Variants in DOCK2 observed in about 807,000 individuals in gnomAD.
DOCK2 encodes dedicator of cytokinesis 2, also known as dedicator of cytokinesis protein 2.
DOCK2 carries 87 observed loss-of-function variants against 248.9 expected under a neutral mutation model. The observed-to-expected ratio is 0.35, with a 90% CI of 0.29 to 0.42. The LOEUF (loss-of-function observed/expected upper bound fraction) is 0.42. Ranked by LOEUF, DOCK2 falls within the 10% of genes least tolerant of loss-of-function variation. The probability of loss-of-function intolerance (pLI) is 1.00; values close to 1 mark genes in which losing one functional copy is unlikely to be tolerated. For missense variants in DOCK2, 1,747 were observed against 2,300.2 expected, an observed-to-expected ratio of 0.76 and a Z score of 4.92; for synonymous variants, 805 against 821.6, an observed-to-expected ratio of 0.98 and a Z score of 0.35.
intron 25 of DOCK2, among the ~76,000 whole-genome samples, chr5:169,801,995 C>G (rs1767023605): frequency 6.6e-6 from 1 of 151,812 alleles, no homozygotes; most frequent in East Asian, 1.9e-4. Flanking sequence ...CAAGCAGCAT[C>G]TGAGTCGGGG....
chr5:170,047,697 G>T (rs1391755337), intron 40 of DOCK2, 83 bp downstream of exon 40: 2 of 1,328,348 alleles, frequency 1.5e-6, no homozygotes, highest in African/African-American at 1.5e-5. Flanking sequence ...TTGAGGATTT[G>T]CTTGTGCTCA....
intron 27 of DOCK2, among the ~76,000 whole-genome samples, chr5:169,869,212 C>G (rs1338035897): frequency 6.6e-6 from 1 of 152,190 alleles, no homozygotes; most frequent in Non-Finnish European, 1.5e-5. Context: ...CACCCCTCCC[C>G]ACCATCTACA....
At chr5:169,706,766 C>T (rs1040313969) in intron 14 of DOCK2, among the ~76,000 whole-genome samples, 1 of 152,174 alleles carries the variant, frequency 6.6e-6, no homozygotes, top group African/African-American at 2.4e-5. Flanking sequence ...TCAAATGGAT[C>T]GATTTGGCTG....
intron 33 of DOCK2, among the ~76,000 whole-genome samples, chr5:170,023,185 G>A (rs768373929): frequency 1.3e-5 from 2 of 152,116 alleles, no homozygotes; most frequent in African/African-American, 4.8e-5. Context: ...CCCTCAGCAG[G>A]CAGGAGATCC....
At chr5:169,881,559 G>T in intron 27 of DOCK2, 1 of 733,046 alleles carries the variant, frequency 1.4e-6, no homozygotes, top group Non-Finnish European at 2.4e-6. Flanking sequence ...CTCTGAAGTT[G>T]CACGGCCATT....
At chr5:169,788,199 T>C (rs1766107937) in intron 25 of DOCK2, among the ~76,000 whole-genome samples, 2 of 152,104 alleles carry the variant, frequency 1.3e-5, no homozygotes, top group South Asian at 2.1e-4. Context: ...ATCTCTCTCT[T>C]TATCACTTGC....
chr5:169,681,882 G>A lies in DOCK2; in HGVS notation c.606+3G>A. 1.2e-6 allele frequency: 2 copies of A among 1,613,196 alleles called. No homozygotes were observed. Among genetic ancestry groups the A allele is most frequent in the South Asian group, 1.1e-5 (1 of 90,800 alleles). ...CAGAGCGTATCAAAGAAGAAATGGT[G>A]AGCTTTACTAAATAGGCTTTGGCCA... On this transcript the variant is annotated splice_donor_region_variant and intron_variant, in intron 7 of 51. Transcript: ENST00000520908.
intron 27 of DOCK2, among the ~76,000 whole-genome samples, chr5:169,938,315 T>A (rs1776083539): frequency 6.6e-6 from 1 of 151,948 alleles, no homozygotes; most frequent in Non-Finnish European, 1.5e-5. Context: ...GATGGGGATA[T>A]GTTAAGAGAA....
At chr5:169,769,473 C>T (rs1027314061) in intron 25 of DOCK2, among the ~76,000 whole-genome samples, 33 of 152,310 alleles carry the variant, frequency 2.2e-4, no homozygotes, top group African/African-American at 7.0e-4. Context: ...GAATGGCTGC[C>T]AGGGTACCTG....
chr5:169,733,254 T>C (rs1762873403), intron 22 of DOCK2, among the ~76,000 whole-genome samples: 1 of 152,036 alleles, frequency 6.6e-6, no homozygotes, highest in South Asian at 2.1e-4. Flanking sequence ...TACCTGCATA[T>C]TTTATCATAC....
chr5:169,983,224 T>C (rs1777985806), intron 28 of DOCK2, 58 bp downstream of exon 28: 5 of 1,561,080 alleles, frequency 3.2e-6, no homozygotes, highest in Admixed American at 1.7e-5. Flanking sequence ...GAACATGGCT[T>C]CTGTCCCTGT....
chr5:169,681,935 A>C (rs1759692218), intron 7 of DOCK2, 56 bp downstream of exon 7: 3 of 1,594,322 alleles, frequency 1.9e-6, no homozygotes, highest in Non-Finnish European at 1.7e-6. Flanking sequence ...GCACATCATA[A>C]ACTTAAAATA....
chr5:169,679,632 G>T (rs1055825649), intron 6 of DOCK2, among the ~76,000 whole-genome samples: 1 of 152,348 alleles, frequency 6.6e-6, no homozygotes, highest in East Asian at 1.9e-4. Context: ...TATCAGCGAT[G>T]CTCCATCTTT....
intron 26 of DOCK2, among the ~76,000 whole-genome samples, chr5:169,825,440 A>G (rs1202620795): frequency 1.3e-5 from 2 of 151,090 alleles, no homozygotes; most frequent in Admixed American, 6.6e-5. Context: ...CTATGCAGCC[A>G]TAGAAAATGA....
At chr5:169,845,067 A>T (rs1770223576) in intron 27 of DOCK2, among the ~76,000 whole-genome samples, 1 of 151,348 alleles carries the variant, frequency 6.6e-6, no homozygotes, top group Non-Finnish European at 1.5e-5. Context: ...TCTCAAATGC[A>T]CTGCACCCCA....
chr5:169,975,908 T>G (rs1374609339), intron 27 of DOCK2, among the ~76,000 whole-genome samples: 1 of 152,158 alleles, frequency 6.6e-6, no homozygotes, highest in East Asian at 1.9e-4. Flanking sequence ...AAATATTTGT[T>G]GAATTAAGAA....
chr5:170,075,198 C>T (rs908769839), intron 46 of DOCK2, among the ~76,000 whole-genome samples: 21 of 152,168 alleles, frequency 1.4e-4, no homozygotes, highest in African/African-American at 5.1e-4. Flanking sequence ...TTCCCTGAGA[C>T]CACACAACTA....
At chr5:169,722,404 T>TGG (rs1762259019) in intron 22 of DOCK2, among the ~76,000 whole-genome samples, 1 of 152,220 alleles carries the variant, frequency 6.6e-6, no homozygotes, top group South Asian at 2.1e-4. Flanking sequence ...ACCAGAACAC[T>TGG]GTGCTGCAAC....
At chr5:169,935,371 C>T (rs1049721984) in intron 27 of DOCK2, among the ~76,000 whole-genome samples, 5 of 152,024 alleles carry the variant, frequency 3.3e-5, no homozygotes, top group African/African-American at 1.2e-4. Flanking sequence ...TCCCATGGAA[C>T]CATCGCAGAG....
Sources: allele counts gnomAD v4.1 joint callset (sites outside exome capture counted in the v4.1 genomes callset), GRCh38; gene constraint gnomAD v4.1.1; transcripts MANE v1.5; gene names NCBI Gene and HGNC (gene_info 2026-07-23, HGNC 2026-07-21).